The following SH3YL1 variants were observed in gnomAD, a reference collection of about 807,000 sequenced individuals.
SH3YL1 encodes the protein SH3 and SYLF domain containing 1.
Under a neutral mutation model 45.8 loss-of-function variants are expected in SH3YL1, and 41 were observed. The ratio of observed to expected loss-of-function variants is 0.89; its 90% CI spans 0.70 to 1.16. The LOEUF is 1.16. Among genes scored for constraint, SH3YL1 ranks in the 50% most tolerant of loss-of-function variants. The pLI is 0.00. For missense variants in SH3YL1, 389 were observed against 409.6 expected, an observed-to-expected ratio of 0.95 and a Z score of 0.43; for synonymous variants, 152 against 151.4, an observed-to-expected ratio of 1.00 and a Z score of -0.03.
intron 4 of SH3YL1, among the ~76,000 whole-genome samples, chr2:245,018 C>G (rs535922986): frequency 1.3e-4 from 20 of 152,180 alleles, no homozygotes; most frequent in Non-Finnish European, 2.6e-4. Context: ...GGGAACCACT[C>G]TGGATACCCC....
At chr2:255,547 T>C (rs558933363) in intron 1 of SH3YL1, among the ~76,000 whole-genome samples, 1 of 152,250 alleles carries the variant, frequency 6.6e-6, no homozygotes, top group African/African-American at 2.4e-5. Context: ...CAGTGAGCTA[T>C]GACTGGGCTA....
intron 9 of SH3YL1, among the ~76,000 whole-genome samples, chr2:224,028 C>T (rs1375642502): frequency 2.0e-5 from 3 of 152,126 alleles, no homozygotes; most frequent in Non-Finnish European, 4.4e-5. Context: ...TTAAAATATG[C>T]TTGAGTACCT....
intron 1 of SH3YL1, chr2:263,224 G>C (rs865832429): frequency 9.7e-5 from 15 of 155,058 alleles, no homozygotes; most frequent in Middle Eastern, 3.4e-3. Context: ...CTCTCTTGCG[G>C]GGGGGCAGCT....
chr2:233,699 A>C (rs747011337), intron 5 of SH3YL1, among the ~76,000 whole-genome samples: 6 of 152,234 alleles, frequency 3.9e-5, no homozygotes, highest in Non-Finnish European at 5.9e-5. Context: ...TCTACATTGC[A>C]CAATTAATCC....
intron 9 of SH3YL1, among the ~76,000 whole-genome samples, chr2:224,232 G>A (rs1667700235): frequency 6.6e-6 from 1 of 152,120 alleles, no homozygotes; most frequent in Non-Finnish European, 1.5e-5. Context: ...TCTCTTCAGG[G>A]AAACCTCTGA....
intron 1 of SH3YL1, chr2:261,233 A>G (rs1387674274): frequency 6.6e-6 from 1 of 152,228 alleles, no homozygotes; most frequent in Non-Finnish European, 1.5e-5. Flanking sequence ...CTGCTGTACC[A>G]TAAGGCATAT....
intron 4 of SH3YL1, 144 bp downstream of exon 4, chr2:247,394 T>C (rs1290488381): frequency 5.1e-6 from 3 of 584,944 alleles, no homozygotes; most frequent in Non-Finnish European, 9.0e-6. Flanking sequence ...AGTTAGACAT[T>C]CATCGAGAAA....
At position 253,049 on chromosome 2, in the gene SH3YL1, A is replaced by G; in HGVS notation, c.68T>C (p.Phe23Ser). Residue 23 changes from phenylalanine (F) to serine (S), a missense_variant, in exon 2 of 10, where the codon TTC (phenylalanine) becomes TCC (serine). Coordinates refer to ENST00000356150, the MANE Select transcript of SH3YL1 (RefSeq NM_015677.4). ...TCCATTTCTGGAAGTTATTTCTGTG[A>G]ATTCTCTTAATATTTTGGCAGCCTT... is the stretch of plus-strand genomic sequence containing the variant. ...AKKAAKILREFTEITSRNGPD... is the reference protein window; with the variant it reads ...AKKAAKILRESTEITSRNGPD... The G allele has an allele frequency of 6.5e-7, 1 of 1,550,354 alleles. No individual in the cohort carries two copies. Among genetic ancestry groups the G allele is most frequent in the Non-Finnish European group, 8.7e-7 (1 of 1,145,910 alleles).
chr2:232,844 T>C (rs1423598935), intron 6 of SH3YL1: 10 of 229,236 alleles, frequency 4.4e-5, no homozygotes. Flanking sequence ...TAGGAAAATG[T>C]TGGAAGGCAG....
chr2:232,889 G>T, intron 6 of SH3YL1: 1 of 327,786 alleles, frequency 3.1e-6, no homozygotes, highest in Admixed American at 4.8e-5. Context: ...GTCTTTTAAA[G>T]GGATCGAGTT....
rs190631168 is a variant in SH3YL1, at chr2:230,716, C to G, written c.702+307G>C. ...TAGAGAGGGGGTTTTGCCATGTTGGCCAGGCTGGTCTGAAACTCCTGATCT... is the reference window on the plus strand; with the variant it reads ...TAGAGAGGGGGTTTTGCCATGTTGGGCAGGCTGGTCTGAAACTCCTGATCT... On this transcript the variant is annotated intron_variant, in intron 7 of 9. Transcript: ENST00000356150. The G allele has an allele frequency of 2.9e-3, 926 of 324,644 alleles. 10 individuals carry two copies. Among genetic ancestry groups the G allele is most frequent in the African/African-American group, 0.019 (865 of 46,590 alleles). 20.1% of individuals were successfully genotyped at this position (324,644 alleles called of 1,614,324 possible). A position where few individuals can be genotyped will look rare whatever the true frequency, so the allele number is the denominator to read the frequency against.
At chr2:243,842 T>C (rs1668653774) in intron 4 of SH3YL1, among the ~76,000 whole-genome samples, 1 of 152,188 alleles carries the variant, frequency 6.6e-6, no homozygotes, top group African/African-American at 2.4e-5. Flanking sequence ...GAAAATAATG[T>C]GTGTTTTGCC....
At chr2:246,623 G>A (rs1456268557) in intron 4 of SH3YL1, among the ~76,000 whole-genome samples, 1 of 147,648 alleles carries the variant, frequency 6.8e-6, no homozygotes, top group East Asian at 2.1e-4. Flanking sequence ...GGAGGGAAGG[G>A]AGGAGGAAGG....
rs769074973 is a variant in SH3YL1 at position 242,772 on chromosome 2, G to A, written c.291+4766C>T. On this transcript the variant is annotated intron_variant, in intron 4 of 9. Coordinates refer to ENST00000356150, the MANE Select transcript of SH3YL1 (RefSeq NM_015677.4). The stretch of plus-strand genomic sequence containing the variant: ...CAACATCCAATTATATGCTCCATAG[G>A]AGACACGCTTTAGATTCAAAGTTAC... The A allele has an allele frequency of 5.2e-6, 8 of 1,534,824 alleles. No homozygotes were observed. The South Asian group carries it at 8.6e-5, about 17-fold the overall frequency.
At position 247,522 on chromosome 2, in the gene SH3YL1, T is replaced by C. The variant is rs748511295; in HGVS notation, c.291+16A>G. The C allele has an allele frequency of 1.3e-6, 2 of 1,549,546 alleles. No individual in the cohort carries two copies. The highest frequency in any genetic ancestry group is 1.7e-6 in the Non-Finnish European group (2 of 1,145,252). On this transcript the variant is annotated intron_variant, in intron 4 of 9. Transcript: ENST00000356150. ...AGAGGATATGGCAGTTGTATGGACG[T>C]GCACAAGCTACTTACCTCAATTCCT...
chr2:232,241 T>C (rs1668079101), intron 6 of SH3YL1, among the ~76,000 whole-genome samples: 1 of 151,732 alleles, frequency 6.6e-6, no homozygotes, highest in Non-Finnish European at 1.5e-5. Context: ...CCAGATTCTT[T>C]TTTTTTTTTT....
upstream of SH3YL1, chr2:264,682 G>GCTC (rs1669780408): frequency 7.7e-6 from 2 of 260,076 alleles, no homozygotes; most frequent in South Asian, 4.1e-5. Flanking sequence ...CACCCCCGCA[G>GCTC]CTCCTCCTCC....
At chr2:241,947 G>A (rs1668565514) in intron 4 of SH3YL1, 1 of 151,978 alleles carries the variant, frequency 6.6e-6, no homozygotes, top group Non-Finnish European at 1.5e-5. Context: ...ACTCTAGAGA[G>A]TAATTTAAAT....
chr2:235,424 G>GCCAGGGGAGGCAGCA (rs1668248187), intron 4 of SH3YL1, among the ~76,000 whole-genome samples: 20 of 82,870 alleles, frequency 2.4e-4, no homozygotes, highest in African/African-American at 8.5e-4. Flanking sequence ...GGCAGCATGG[G>GCCAGGGGAGGCAGCA]TCAGGGGAGG....
Sources: gnomAD v4.1 joint callset for allele counts (sites outside exome capture counted in the v4.1 genomes callset) on GRCh38, gnomAD v4.1.1 for gene constraint, MANE v1.5 for transcripts, NCBI Gene and HGNC (gene_info 2026-07-23, HGNC 2026-07-21) for gene names.